GPR55: variants seen among roughly 807,000 people sequenced by gnomAD.
GPR55 encodes the protein G-protein coupled receptor 55.
In GPR55, 6 loss-of-function variants were observed where a neutral mutation model predicts 7.9. That is an observed-to-expected ratio of 0.76 (90% CI 0.41 to 1.49). The LOEUF (loss-of-function observed/expected upper bound fraction) is 1.49, where lower values mean the gene tolerates loss of function less well. Ranked by LOEUF, GPR55 falls within the 40% of genes most tolerant of loss-of-function variation. GPR55 has a pLI of 0.01. For missense variants in GPR55, 376 were observed against 406.0 expected (o/e 0.93, Z 0.63); for synonymous variants, 183 against 166.8 (o/e 1.10, Z -0.75).
chr2:230,951,658 G>A (rs369817363), intron 1 of GPR55, among the ~76,000 whole-genome samples: 25 of 152,204 alleles, frequency 1.6e-4, no homozygotes, highest in African/African-American at 5.3e-4. Context: ...ACAACTTAGA[G>A]TTGGCTGGGA....
rs1389999107 is a variant in GPR55 at position 230,909,872 on chromosome 2, A to G, written c.*131T>C. ...GTATAATGAGCAAAGCTGGCACTCA[A>G]TGGGCATCAAAGGGAAGCACATCAG... On this transcript the variant is annotated 3_prime_UTR_variant, in exon 2 of 2. Transcript: ENST00000650999. 32 of 934,764 alleles carry G rather than the reference A, an allele frequency of 3.4e-5. No homozygotes were observed. The East Asian group carries it at 4.8e-4, about 14-fold the overall frequency. 57.9% of individuals were successfully genotyped at this position (934,764 alleles called of 1,614,324 possible).
At chr2:230,912,041 C>T (rs1331652545) in intron 1 of GPR55, among the ~76,000 whole-genome samples, 1 of 152,206 alleles carries the variant, frequency 6.6e-6, no homozygotes, top group African/African-American at 2.4e-5. Flanking sequence ...CCTCTCCCCA[C>T]TTGCCCGCCT....
intron 1 of GPR55, among the ~76,000 whole-genome samples, chr2:230,958,276 A>C (rs907933752): frequency 6.6e-6 from 1 of 152,212 alleles, no homozygotes; most frequent in African/African-American, 2.4e-5. Flanking sequence ...TATGGGTACA[A>C]TGTAGGTGTA....
At chr2:230,922,767 G>A (rs779042354) in intron 1 of GPR55, among the ~76,000 whole-genome samples, 3 of 152,078 alleles carry the variant, frequency 2.0e-5, no homozygotes, top group East Asian at 1.9e-4. Context: ...TAGATACAGC[G>A]TTTCTCTATG....
chr2:230,912,519 T>C lies in GPR55; in HGVS notation c.-134-1423A>G, dbSNP rs79560765. On this transcript the variant is annotated intron_variant, in intron 1 of 1. Transcript: ENST00000650999. ...ATCTTGGCTCACTGCAACCTCTGCCTCCCCAGTTCAAGCGATTCTCCTGCC... is the reference window on the plus strand; with the variant it reads ...ATCTTGGCTCACTGCAACCTCTGCCCCCCCAGTTCAAGCGATTCTCCTGCC... Among the ~76,000 whole-genome samples, 12 of 152,172 alleles carry C rather than the reference T, an allele frequency of 7.9e-5. No individual in the cohort carries two copies. The East Asian group carries it at 2.3e-3, about 29-fold the overall frequency.
intron 1 of GPR55, among the ~76,000 whole-genome samples, chr2:230,916,582 C>G (rs574776437): frequency 6.6e-6 from 1 of 151,172 alleles, no homozygotes. Context: ...TTTAATATTG[C>G]GGATAAATTA....
chr2:230,928,982 A>G (rs952255793), upstream of GPR55, among the ~76,000 whole-genome samples: 8 of 152,118 alleles, frequency 5.3e-5, no homozygotes, highest in African/African-American at 1.9e-4. Context: ...TTCTGCCGGG[A>G]ACACTTCTGT....
intron 1 of GPR55, among the ~76,000 whole-genome samples, chr2:230,948,861 T>C (rs1294037123): frequency 6.6e-6 from 1 of 152,204 alleles, no homozygotes; most frequent in Non-Finnish European, 1.5e-5. Flanking sequence ...GAGGATTGCT[T>C]GAGCTCAGGA....
intron 1 of GPR55, among the ~76,000 whole-genome samples, chr2:230,921,453 C>T (rs1690834238): frequency 6.6e-6 from 1 of 152,180 alleles, no homozygotes; most frequent in Non-Finnish European, 1.5e-5. Flanking sequence ...ATTCTCGGAC[C>T]ACAAAGAAAA....
At chr2:230,933,666 C>T (rs1691088930) in intron 1 of GPR55, among the ~76,000 whole-genome samples, 1 of 152,228 alleles carries the variant, frequency 6.6e-6, no homozygotes, top group East Asian at 1.9e-4. Flanking sequence ...GGACTCAGGG[C>T]CTCTCTCCTT....
intron 1 of GPR55, among the ~76,000 whole-genome samples, chr2:230,936,182 C>T (rs980499501): frequency 6.6e-6 from 1 of 152,158 alleles, no homozygotes; most frequent in African/African-American, 2.4e-5. Context: ...GTGAAGGAGC[C>T]TTGAAGGTAA....
intron 1 of GPR55, among the ~76,000 whole-genome samples, chr2:230,948,498 C>A (rs1401715176): frequency 6.6e-6 from 1 of 152,134 alleles, no homozygotes; most frequent in African/African-American, 2.4e-5. Flanking sequence ...TAGTCCCTAC[C>A]CTATATATGG....
chr2:230,960,060 G>A (rs1485709180), intron 1 of GPR55, among the ~76,000 whole-genome samples: 1 of 152,190 alleles, frequency 6.6e-6, no homozygotes, highest in Non-Finnish European at 1.5e-5. Context: ...CTGGCAAGAA[G>A]CAATTTAGAA....
At chr2:230,939,943 G>A (rs1305340608) in intron 1 of GPR55, among the ~76,000 whole-genome samples, 2 of 151,980 alleles carry the variant, frequency 1.3e-5, no homozygotes, top group Non-Finnish European at 2.9e-5. Flanking sequence ...TGTGTTGGCG[G>A]GGGCGGGGAC....
chr2:230,916,240 A>G (rs1251190920), intron 1 of GPR55, among the ~76,000 whole-genome samples: 1 of 152,026 alleles, frequency 6.6e-6, no homozygotes, highest in Non-Finnish European at 1.5e-5. Flanking sequence ...TTTTTAGATT[A>G]GTAGAGTGTG....
chr2:230,952,352 G>A (rs1691416568), intron 1 of GPR55, among the ~76,000 whole-genome samples: 1 of 152,266 alleles, frequency 6.6e-6, no homozygotes, highest in South Asian at 2.1e-4. Flanking sequence ...CTTAGCAGGT[G>A]TGATCCAGAA....
At chr2:230,934,249 C>T (rs1367023408) in intron 1 of GPR55, among the ~76,000 whole-genome samples, 1 of 152,206 alleles carries the variant, frequency 6.6e-6, no homozygotes, top group Non-Finnish European at 1.5e-5. Context: ...GCCCTGGAAT[C>T]ACAAAACCTA....
rs1216252250 is a variant in GPR55, at chr2:230,959,986, T to G, written c.-135+789A>C. Among the ~76,000 whole-genome samples, 6 of 152,208 alleles carry G rather than the reference T, an allele frequency of 3.9e-5. No individual in the cohort carries two copies. In the South Asian group the frequency reaches 1.0e-3, roughly 26 times the overall value. On this transcript the variant is annotated intron_variant, in intron 1 of 1. Transcript: ENST00000392039. ...ACTCAGAAAAGCTCTCCCTGGGGGT[T>G]GCCCGTCCCTATCAGAGCCTGGATC...
At chr2:230,930,754 T>C (rs1691023309) in intron 1 of GPR55, among the ~76,000 whole-genome samples, 2 of 152,224 alleles carry the variant, frequency 1.3e-5, no homozygotes, top group Admixed American at 6.5e-5. Context: ...CTTAAGCCAC[T>C]GCGCCTGGCT....
Sources: allele counts gnomAD v4.1 joint callset (sites outside exome capture counted in the v4.1 genomes callset), GRCh38; gene constraint gnomAD v4.1.1; transcripts MANE v1.5; gene names NCBI Gene and HGNC (gene_info 2026-07-23, HGNC 2026-07-21).